GPC6: variants seen among roughly 807,000 people sequenced by gnomAD.
The protein encoded by GPC6 is glypican-6.
Under a neutral mutation model 55.2 loss-of-function variants are expected in GPC6, and 14 were observed. The observed-to-expected ratio is 0.25, with a 90% CI of 0.17 to 0.40. The LOEUF is 0.40. Ranked by LOEUF, GPC6 falls within the 10% of genes least tolerant of loss-of-function variation. The probability of loss-of-function intolerance (pLI) is 1.00; values close to 1 mark genes in which losing one functional copy is unlikely to be tolerated. For synonymous variants in GPC6, 278 were observed against 259.6 expected, an observed-to-expected ratio of 1.07 and a Z score of -0.68; for missense variants, 641 against 708.5, an observed-to-expected ratio of 0.90 and a Z score of 1.08.
chr13:93,812,143 G>A (rs1443254759), intron 2 of GPC6, among the ~76,000 whole-genome samples: 1 of 41,392 alleles, frequency 2.4e-5, no homozygotes, highest in Non-Finnish European at 4.1e-5. Context: ...GCAAGGCGGT[G>A]GGGGGGGGGG....
intron 1 of GPC6, among the ~76,000 whole-genome samples, chr13:93,394,659 T>C (rs534703881): frequency 6.6e-6 from 1 of 152,332 alleles, no homozygotes; most frequent in East Asian, 1.9e-4. Flanking sequence ...GCTCAAGTGA[T>C]GCAAACCAAG....
intron 1 of GPC6, among the ~76,000 whole-genome samples, chr13:93,464,927 G>T (rs1255496140): frequency 6.6e-6 from 1 of 152,178 alleles, no homozygotes; most frequent in Non-Finnish European, 1.5e-5. Flanking sequence ...AATGGATATT[G>T]TGTTAGCAGG....
At chr13:93,566,997 T>C (rs1876157375) in intron 2 of GPC6, among the ~76,000 whole-genome samples, 1 of 152,150 alleles carries the variant, frequency 6.6e-6, no homozygotes, top group Non-Finnish European at 1.5e-5. Flanking sequence ...CAAGTCTTTG[T>C]TATTGTGAAC....
In GPC6 at chr13:94,078,505, G is replaced by A. The variant is rs937736146; in HGVS notation, c.877+50611G>A. Among the ~76,000 whole-genome samples, 3 of 151,470 alleles carry A rather than the reference G, an allele frequency of 2.0e-5. No homozygotes were observed. The South Asian group carries it at 6.3e-4, about 32-fold the overall frequency. ...GATAAAATTGACAAACTAAGAAAAGGCAGACTAAGATAAAAAGAGAGAAGC... is the reference window on the plus strand; with the variant it reads ...GATAAAATTGACAAACTAAGAAAAGACAGACTAAGATAAAAAGAGAGAAGC... On this transcript the variant is annotated intron_variant, in intron 4 of 8. Coordinates refer to ENST00000377047, the MANE Select transcript of GPC6 (RefSeq NM_005708.5).
chr13:94,306,597 T>G (rs1454241432), intron 6 of GPC6, among the ~76,000 whole-genome samples: 1 of 152,228 alleles, frequency 6.6e-6, no homozygotes. Context: ...TCATTTTTTT[T>G]TCTTTTTTAT....
intron 1 of GPC6, among the ~76,000 whole-genome samples, chr13:93,432,946 A>C (rs980662054): frequency 6.8e-5 from 3 of 44,344 alleles, no homozygotes; most frequent in African/African-American, 2.7e-4. Context: ...AGAAGGCAGA[A>C]AAAAAGGAAA....
intron 2 of GPC6, among the ~76,000 whole-genome samples, chr13:93,605,844 A>T (rs890410926): frequency 1.5e-3 from 210 of 144,374 alleles, no homozygotes; most frequent in African/African-American, 5.1e-3. Context: ...CGTCTCAATA[A>T]AAAAAAAAAA....
intron 4 of GPC6, among the ~76,000 whole-genome samples, chr13:94,050,942 A>T (rs971395039): frequency 6.6e-6 from 1 of 152,136 alleles, no homozygotes; most frequent in Non-Finnish European, 1.5e-5. Flanking sequence ...CCTATTGGTC[A>T]TGAGCTGAAC....
At chr13:93,912,537 A>G (rs907671684) in intron 3 of GPC6, among the ~76,000 whole-genome samples, 1 of 152,014 alleles carries the variant, frequency 6.6e-6, no homozygotes, top group East Asian at 1.9e-4. Context: ...AGGTCAGGAG[A>G]TCGAGACCAT....
intron 6 of GPC6, among the ~76,000 whole-genome samples, chr13:94,337,609 G>A (rs1383793382): frequency 6.6e-6 from 1 of 151,646 alleles, no homozygotes; most frequent in African/African-American, 2.4e-5. Context: ...CACCACATCT[G>A]GCTAATTTTT....
intron 4 of GPC6, among the ~76,000 whole-genome samples, chr13:94,178,025 A>ATTTTTTTTTTTTTTTTTTTTTTTTTTT (rs767978319): frequency 1.5e-5 from 2 of 132,988 alleles, no homozygotes; most frequent in Non-Finnish European, 3.1e-5. Flanking sequence ...TGGCCTTTTA[A>ATTTTTTTTTTTTTTTTTTTTTTTTTTT]TTTTTTTTTT....
At chr13:93,996,159 G>T (rs1179324695) in intron 3 of GPC6, among the ~76,000 whole-genome samples, 1 of 152,134 alleles carries the variant, frequency 6.6e-6, no homozygotes, top group Non-Finnish European at 1.5e-5. Context: ...GTACACAAGT[G>T]AATAGTTTAC....
intron 4 of GPC6, among the ~76,000 whole-genome samples, chr13:94,134,306 G>T (rs1008272389): frequency 1.3e-5 from 2 of 152,128 alleles, no homozygotes; most frequent in Non-Finnish European, 2.9e-5. Context: ...TAATGGCAGT[G>T]CCAGAAGATA....
intron 4 of GPC6, among the ~76,000 whole-genome samples, chr13:94,172,211 A>AG (rs1594018085): frequency 6.6e-6 from 1 of 152,176 alleles, no homozygotes; most frequent in Non-Finnish European, 1.5e-5. Context: ...GACAAAAAAA[A>AG]CAAGTAAGAT....
At chr13:93,863,825 T>C (rs1031918346) in intron 3 of GPC6, among the ~76,000 whole-genome samples, 20 of 151,694 alleles carry the variant, frequency 1.3e-4, no homozygotes, top group African/African-American at 4.8e-4. Context: ...TAAATTGGGA[T>C]CAACTATATA....
intron 4 of GPC6, among the ~76,000 whole-genome samples, chr13:94,119,807 G>A (rs1886561567): frequency 6.6e-6 from 1 of 152,072 alleles, no homozygotes; most frequent in Non-Finnish European, 1.5e-5. Context: ...GAATGAAGGG[G>A]AAGAGATTTG....
intron 4 of GPC6, among the ~76,000 whole-genome samples, chr13:94,281,809 A>G (rs567653860): frequency 4.6e-5 from 7 of 152,312 alleles, no homozygotes; most frequent in African/African-American, 1.7e-4. Flanking sequence ...CCCAAGGGAG[A>G]AATGGTTCCT....
intron 2 of GPC6, among the ~76,000 whole-genome samples, chr13:93,750,490 G>T (rs1884540437): frequency 6.6e-6 from 1 of 152,148 alleles, no homozygotes. Context: ...AAGGATAAAA[G>T]TTACTTTATA....
chr13:93,679,070 T>C (rs1041310478), intron 2 of GPC6, among the ~76,000 whole-genome samples: 1 of 152,154 alleles, frequency 6.6e-6, no homozygotes, highest in Non-Finnish European at 1.5e-5. Context: ...TCGTATATAT[T>C]TTTTTAATTT....
Sources: gnomAD v4.1 joint callset for allele counts (sites outside exome capture counted in the v4.1 genomes callset) on GRCh38, gnomAD v4.1.1 for gene constraint, MANE v1.5 for transcripts, NCBI Gene and HGNC (gene_info 2026-07-23, HGNC 2026-07-21) for gene names.